The following DPYSL3 variants were observed in gnomAD, a reference collection of about 807,000 sequenced individuals.
DPYSL3 encodes dihydropyrimidinase like 3.
Under a neutral mutation model 66.1 loss-of-function variants are expected in DPYSL3, and 16 were observed. The observed-to-expected ratio is 0.24, with a 90% CI of 0.16 to 0.37. The LOEUF is 0.37. Among genes scored for constraint, DPYSL3 ranks in the 10% least tolerant of loss-of-function variants. The pLI, the probability that DPYSL3 is intolerant of heterozygous loss-of-function variation, is 1.00. For missense variants in DPYSL3, 738 were observed against 916.2 expected, an observed-to-expected ratio of 0.81 and a Z score of 2.51; for synonymous variants, 338 against 345.1, an observed-to-expected ratio of 0.98 and a Z score of 0.23.
intron 1 of DPYSL3, among the ~76,000 whole-genome samples, chr5:147,432,647 G>C (rs995186839): frequency 6.6e-6 from 1 of 152,204 alleles, no homozygotes; most frequent in South Asian, 2.1e-4. Context: ...GAGCCCTAGA[G>C]AGATTCCATT....
Position 147,418,483 on chromosome 5 carries a change from T to A in DPYSL3, c.619A>T (p.Thr207Ser). The change falls in exon 3 of 14, where the codon ACA becomes TCA. Residue 207 changes from threonine (T) to serine (S), a missense_variant. Transcript: ENST00000343218. ...GTGCCACCTGCTAAGGCCGCCTTTGTCCCTTGGAAGAAGTCATCTACTGTG... is the reference window on the plus strand; with the variant it reads ...GTGCCACCTGCTAAGGCCGCCTTTGACCCTTGGAAGAAGTCATCTACTGTG... ...MTTVDDFFQG[T>S]KAALAGGTTM... is the part of the protein sequence containing the mutation. The A allele has an allele frequency of 6.2e-7, 1 of 1,612,838 alleles. No individual in the cohort carries two copies. The highest frequency in any genetic ancestry group is 2.2e-5 in the East Asian group (1 of 44,838).
At chr5:147,412,779 G>A in intron 5 of DPYSL3, 91 bp from the exon 6 acceptor site, 1 of 1,132,206 alleles carries the variant, frequency 8.8e-7, no homozygotes, top group Non-Finnish European at 1.3e-6. Flanking sequence ...TAAAACAGAT[G>A]GGATAAAGCA....
At chr5:147,457,335 G>C (rs1299812445) in intron 1 of DPYSL3, among the ~76,000 whole-genome samples, 4 of 152,144 alleles carry the variant, frequency 2.6e-5, no homozygotes, top group Admixed American at 2.6e-4. Flanking sequence ...GGTATGTGAT[G>C]TGTCTGTTTA....
At chr5:147,453,595 G>T in intron 1 of DPYSL3, 1 of 1,535,518 alleles carries the variant, frequency 6.5e-7, no homozygotes, top group Non-Finnish European at 8.8e-7. Context: ...CATGGTGGCG[G>T]TGGTGGCTGC....
intron 13 of DPYSL3, among the ~76,000 whole-genome samples, chr5:147,394,545 A>G (rs934474551): frequency 6.6e-6 from 1 of 152,202 alleles, no homozygotes. Context: ...CACTTGCCCA[A>G]GATCCCACAG....
intron 1 of DPYSL3, among the ~76,000 whole-genome samples, chr5:147,447,326 C>A (rs969499845): frequency 2.6e-5 from 4 of 152,174 alleles, no homozygotes; most frequent in Non-Finnish European, 5.9e-5. Context: ...TCATTCTATT[C>A]CACCAAACTA....
intron 8 of DPYSL3, among the ~76,000 whole-genome samples, chr5:147,402,272 T>C (rs112925240): frequency 0.058 from 8,687 of 150,808 alleles, 850 homozygotes; most frequent in African/African-American, 0.2. Context: ...TGCTAGATGC[T>C]CCCATTATAA....
In DPYSL3 at chr5:147,397,727, C is replaced by T. The variant is rs377459296; in HGVS notation, c.1742G>A (p.Arg581His). The change falls in exon 12 of 14, where the codon CGC (arginine) becomes CAC (histidine). Residue 581 changes from arginine (R) to histidine (H), a missense_variant. Arg to His is a conservative substitution (Grantham distance 29). Transcript: ENST00000343218. Reference sequence around the variant, plus strand: ...GGAGAACGGGCTGCAGGGTATGAAGCGGCCAGCCCCCTGGGTCACGTGCAG... The same window carrying T: ...GGAGAACGGGCTGCAGGGTATGAAGTGGCCAGCCCCCTGGGTCACGTGCAG... ...GNLHVTQGAG[R>H]FIPCSPFSDY... The T allele has an allele frequency of 1.9e-5, 30 of 1,613,996 alleles. No homozygotes were observed. The highest frequency in any genetic ancestry group is 5.3e-5 in the African/African-American group (4 of 74,900).
intron 1 of DPYSL3, among the ~76,000 whole-genome samples, chr5:147,434,405 G>A (rs1338551149): frequency 6.6e-6 from 1 of 152,158 alleles, no homozygotes; most frequent in Non-Finnish European, 1.5e-5. Context: ...TACATATGCG[G>A]ACTAGAGAAG....
At chr5:147,427,871 T>A (rs1752226238) in intron 1 of DPYSL3, among the ~76,000 whole-genome samples, 1 of 152,206 alleles carries the variant, frequency 6.6e-6, no homozygotes, top group Non-Finnish European at 1.5e-5. Flanking sequence ...ATTTTCTTCA[T>A]CTTCCCAGCA....
At chr5:147,436,083 C>A (rs929678896) in intron 1 of DPYSL3, among the ~76,000 whole-genome samples, 1 of 152,202 alleles carries the variant, frequency 6.6e-6, no homozygotes, top group Non-Finnish European at 1.5e-5. Flanking sequence ...ATTGTTCACT[C>A]TCCCTCTAAT....
intron 13 of DPYSL3, 69 bp downstream of exon 13, chr5:147,395,490 C>T: frequency 6.5e-7 from 1 of 1,531,830 alleles, no homozygotes; most frequent in Non-Finnish European, 8.8e-7. Flanking sequence ...GAGGAACACC[C>T]TGTGGCCTCA....
intron 1 of DPYSL3, among the ~76,000 whole-genome samples, chr5:147,481,057 T>C (rs1753232429): frequency 6.6e-6 from 1 of 152,146 alleles, no homozygotes; most frequent in Admixed American, 6.5e-5. Context: ...AACATATGTA[T>C]ATAATGCTTT....
chr5:147,478,574 C>A (rs927798251), intron 1 of DPYSL3, among the ~76,000 whole-genome samples: 1 of 152,186 alleles, frequency 6.6e-6, no homozygotes. Context: ...TTTTGCTCAA[C>A]TTATGCCACT....
chr5:147,457,865 A>G (rs1752875751), intron 1 of DPYSL3, among the ~76,000 whole-genome samples: 1 of 152,202 alleles, frequency 6.6e-6, no homozygotes, highest in African/African-American at 2.4e-5. Flanking sequence ...ACTGAAGAGG[A>G]GAATATCTTT....
At position 147,395,744 on chromosome 5, in the gene DPYSL3, C is replaced by A. The variant is rs369666554; in HGVS notation, c.1804-23G>T. 75 of 1,612,138 alleles carry A rather than the reference C, an allele frequency of 4.7e-5. No homozygotes were observed. In the African/African-American group the frequency reaches 8.9e-4, roughly 19 times the overall value. On this transcript the variant is annotated intron_variant, in intron 12 of 13. Transcript: ENST00000343218. ...CATCTGCAGCCAGAGAAGAGCATGT[C>A]ACCATTCATTCATTCAGCATTTTAG...
intron 1 of DPYSL3, among the ~76,000 whole-genome samples, chr5:147,430,509 CAAA>C (rs555965885): frequency 1.0e-4 from 4 of 39,898 alleles, no homozygotes; most frequent in Non-Finnish European, 1.0e-4. Flanking sequence ...GACTCGGTCT[CAAA>C]AAAAAAAAAA....
chr5:147,497,255 TG>T (rs1427637939), intron 1 of DPYSL3, among the ~76,000 whole-genome samples: 2 of 44,062 alleles, frequency 4.5e-5, no homozygotes, highest in African/African-American at 8.8e-5. Context: ...TGTTGTGGGG[TG>T]GGGGGAGGGG....
intron 1 of DPYSL3, among the ~76,000 whole-genome samples, chr5:147,443,555 C>T (rs942229279): frequency 6.7e-6 from 1 of 150,262 alleles, no homozygotes; most frequent in East Asian, 2.0e-4. Flanking sequence ...CACATGTATA[C>T]CTATGTAACA....
Sources: gnomAD v4.1 joint callset for allele counts (sites outside exome capture counted in the v4.1 genomes callset) on GRCh38, gnomAD v4.1.1 for gene constraint, MANE v1.5 for transcripts, NCBI Gene and HGNC (gene_info 2026-07-23, HGNC 2026-07-21) for gene names.